KNL1: variants seen among roughly 807,000 people sequenced by gnomAD.
KNL1 encodes kinetochore scaffold 1, also known as outer kinetochore KNL1 complex subunit KNL1.
In KNL1, 66 loss-of-function variants were observed where a neutral mutation model predicts 201.3. That is an observed-to-expected ratio of 0.33 (90% CI 0.27 to 0.40). The LOEUF (loss-of-function observed/expected upper bound fraction) is 0.40. Among genes scored for constraint, KNL1 ranks in the 10% least tolerant of loss-of-function variants. KNL1 has a pLI of 1.00. For missense variants in KNL1, 2,815 were observed against 2,690.5 expected (o/e 1.05, Z -1.02); for synonymous variants, 895 against 899.2 (o/e 1.00, Z 0.08).
chr15:40,662,909 G>C lies in KNL1; in HGVS notation c.*721G>C, dbSNP rs574428528. The C allele has an allele frequency of 1.1e-5, 2 of 179,506 alleles. No individual in the cohort carries two copies. Among genetic ancestry groups the C allele is most frequent in the South Asian group, 2.0e-4 (1 of 5,040 alleles). 11.1% of individuals were successfully genotyped at this position (179,506 alleles called of 1,614,324 possible). A position where few individuals can be genotyped will look rare whatever the true frequency, so the allele number is the denominator to read the frequency against. ...CAGGAGGCAGAGGTTGCAGTAAGCC[G>C]AGACCATTCCACTGCACTCCAGCCT... is the stretch of plus-strand genomic sequence containing the variant. On this transcript the variant is annotated 3_prime_UTR_variant, in exon 26 of 26. Transcript: ENST00000399668.
intron 15 of KNL1, 64 bp downstream of exon 15, chr15:40,645,151 A>C (rs904138109): frequency 1.8e-6 from 2 of 1,088,082 alleles, no homozygotes; most frequent in African/African-American, 1.6e-5. Flanking sequence ...TTTATTGTGA[A>C]ATGAGTAACT....
At chr15:40,618,339 G>A (rs957858711) in intron 8 of KNL1, among the ~76,000 whole-genome samples, 2 of 151,960 alleles carry the variant, frequency 1.3e-5, no homozygotes, top group African/African-American at 4.8e-5. Context: ...TTTCTAAAAT[G>A]CATTATATTT....
chr15:40,640,413 C>T (rs1023550112), intron 13 of KNL1, among the ~76,000 whole-genome samples: 2 of 152,096 alleles, frequency 1.3e-5, no homozygotes, highest in South Asian at 2.1e-4. Context: ...TTTTTCAATA[C>T]TGCATCAAGG....
intron 12 of KNL1, 66 bp downstream of exon 12, chr15:40,628,744 A>T: frequency 9.9e-7 from 1 of 1,005,044 alleles, no homozygotes; most frequent in Non-Finnish European, 1.5e-6. Flanking sequence ...CTCATTTCTA[A>T]TACACGTAAT....
chr15:40,648,269 C>CA (rs551395377), intron 17 of KNL1, among the ~76,000 whole-genome samples: 5 of 152,028 alleles, frequency 3.3e-5, no homozygotes, highest in African/African-American at 7.2e-5. Flanking sequence ...ACTATCTCTA[C>CA]AAAAAACAAG....
At chr15:40,645,801 A>G (rs1893366462) in intron 16 of KNL1, 29 bp downstream of exon 16, 1 of 1,111,408 alleles carries the variant, frequency 9.0e-7, no homozygotes, top group Admixed American at 2.4e-5. Context: ...TATCATAGAA[A>G]GAGAGAGATA....
At chr15:40,594,763 G>T (rs974556835) in intron 1 of KNL1, among the ~76,000 whole-genome samples, 3 of 152,184 alleles carry the variant, frequency 2.0e-5, no homozygotes, top group Admixed American at 6.5e-5. Flanking sequence ...GGGACCTCTC[G>T]GCTGTTTGTA....
At chr15:40,658,477 C>T (rs1310370513) in intron 24 of KNL1, among the ~76,000 whole-genome samples, 16 of 126,272 alleles carry the variant, frequency 1.3e-4, no homozygotes, top group African/African-American at 3.7e-4. Context: ...TGCAGTGAGC[C>T]GAGATCACGC....
intron 12 of KNL1, 30 bp from the exon 13 acceptor site, chr15:40,629,243 G>A (rs201120711): frequency 2.3e-5 from 29 of 1,286,990 alleles, no homozygotes; most frequent in Non-Finnish European, 3.2e-5. Context: ...CACATTGAAT[G>A]GTCATGCAAA....
chr15:40,615,306 G>C (rs1292580081), intron 7 of KNL1, 35 bp from the exon 8 acceptor site: 1 of 595,834 alleles, frequency 1.7e-6, no homozygotes, highest in Non-Finnish European at 2.9e-6. Context: ...TAATTGTTTG[G>C]GGTATAGATT....
intron 13 of KNL1, among the ~76,000 whole-genome samples, chr15:40,629,584 A>C (rs1404099531): frequency 7.1e-6 from 1 of 141,528 alleles, no homozygotes; most frequent in Non-Finnish European, 1.5e-5. Context: ...GCTCACTGCA[A>C]CCTCTGCCTC....
rs372672562 is a variant in KNL1, at chr15:40,622,879, T to G, written c.2615T>G (p.Met872Arg). 2 of 1,612,892 alleles carry G rather than the reference T, an allele frequency of 1.2e-6. No homozygotes were observed. Among genetic ancestry groups the G allele is most frequent in the East Asian group, 4.5e-5 (2 of 44,858 alleles). The change falls in exon 10 of 26, where the codon ATG becomes AGG. Residue 872 changes from methionine (M) to arginine (R), a missense_variant. Transcript: ENST00000399668. ...IVFSEDDKND[M>R]DITKSYTIEI... is the part of the protein sequence containing the mutation. Reference sequence around the variant, plus strand: ...TTTTCAGAAGACGATAAGAATGATATGGATATCACTAAGAGTTATACAATA... The same window carrying G: ...TTTTCAGAAGACGATAAGAATGATAGGGATATCACTAAGAGTTATACAATA...
At chr15:40,619,251 T>G (rs1470669173) in intron 9 of KNL1, among the ~76,000 whole-genome samples, 2 of 152,052 alleles carry the variant, frequency 1.3e-5, no homozygotes, top group Non-Finnish European at 2.9e-5. Flanking sequence ...AGTCTTTATT[T>G]CTATTTCCTT....
intron 14 of KNL1, chr15:40,643,172 G>T (rs1006268539): frequency 6.6e-6 from 1 of 151,984 alleles, no homozygotes; most frequent in African/African-American, 2.4e-5. Context: ...AACTGAATTG[G>T]AAACTTTTAT....
intron 14 of KNL1, 58 bp from the exon 15 acceptor site, chr15:40,644,939 G>A: frequency 1.8e-6 from 2 of 1,097,436 alleles, no homozygotes; most frequent in South Asian, 1.3e-5. Context: ...CATAGACACA[G>A]TAACAGTCTG....
At chr15:40,659,866 G>C (rs2141770638) in intron 25 of KNL1, among the ~76,000 whole-genome samples, 1 of 147,966 alleles carries the variant, frequency 6.8e-6, no homozygotes, top group South Asian at 2.2e-4. Context: ...CTAAACTTCA[G>C]TTCTCTTGAG....
chr15:40,625,391 A>G lies in KNL1; in HGVS notation c.5127A>G (p.Gln1709=), dbSNP rs753049399. Residue 1709 remains glutamine (Q), a synonymous_variant, in exon 10 of 26, where the codon CAA becomes CAG. Transcript: ENST00000399668. ...VAGKLNLSPS[Q]YINEENLPVY... ...GTAAACTGAACCTAAGTCCTTCTCAATATATAAATGAGGAAAATCTTCCTG... is the reference window on the plus strand; with the variant it reads ...GTAAACTGAACCTAAGTCCTTCTCAGTATATAAATGAGGAAAATCTTCCTG... 47 of 1,613,826 alleles carry G rather than the reference A, an allele frequency of 2.9e-5. No individual in the cohort carries two copies. The highest frequency in any genetic ancestry group is 2.2e-4 in the Admixed American group (13 of 59,946).
intron 13 of KNL1, among the ~76,000 whole-genome samples, chr15:40,632,008 C>CA (rs1335544344): frequency 0.036 from 3,201 of 88,804 alleles, 53 homozygotes; most frequent in Non-Finnish European, 0.049. Flanking sequence ...GACCCTATCT[C>CA]AAAAAAAAAA....
chr15:40,622,510 A>C lies in KNL1; in HGVS notation c.2246A>C (p.His749Pro), dbSNP rs754886432. The C allele has an allele frequency of 6.2e-7, 1 of 1,614,042 alleles. No homozygotes were observed. Among genetic ancestry groups the C allele is most frequent in the East Asian group, 2.2e-5 (1 of 44,878 alleles). Residue 749 changes from histidine (H) to proline (P), a missense_variant, in exon 10 of 26, where the codon CAT becomes CCT. Physicochemically the swap from His to Pro is moderately conservative, Grantham distance 77. Transcript: ENST00000399668. ...AGCAATCCCACACCTGACTATTGCC[A>C]TGACAAGATGATTATATGTTCAGAG... Reference protein sequence around the residue: ...SLSNPTPDYCHDKMIICSEEE... With the variant: ...SLSNPTPDYCPDKMIICSEEE...
Sources: gnomAD v4.1 joint callset for allele counts (sites outside exome capture counted in the v4.1 genomes callset) on GRCh38, gnomAD v4.1.1 for gene constraint, MANE v1.5 for transcripts, NCBI Gene and HGNC (gene_info 2026-07-23, HGNC 2026-07-21) for gene names.